KALRN: variants seen among roughly 807,000 people sequenced by gnomAD.
KALRN encodes the protein kalirin RhoGEF kinase.
A neutral mutation model predicts 353.7 loss-of-function variants in KALRN; 70 were observed. The ratio of observed to expected loss-of-function variants is 0.20; its 90% CI spans 0.16 to 0.24. The LOEUF (loss-of-function observed/expected upper bound fraction) is 0.24. Ranked by LOEUF, KALRN falls within the 10% of genes least tolerant of loss-of-function variation. The pLI, the probability that KALRN is intolerant of heterozygous loss-of-function variation, is 1.00. For synonymous variants in KALRN, 1,391 were observed against 1,434.8 expected (o/e 0.97, Z 0.69); for missense variants, 2,791 against 3,756.7 (o/e 0.74, Z 6.72).
chr3:124,123,911 C>T (rs541640206), intron 1 of KALRN, among the ~76,000 whole-genome samples: 1 of 152,320 alleles, frequency 6.6e-6, no homozygotes, highest in South Asian at 2.1e-4. Flanking sequence ...ATATTACTTG[C>T]TCATTGACAA....
At chr3:124,297,326 CT>C (rs1442406097) in intron 5 of KALRN, among the ~76,000 whole-genome samples, 1 of 152,218 alleles carries the variant, frequency 6.6e-6, no homozygotes, top group African/African-American at 2.4e-5. Flanking sequence ...GGGCTGTGGC[CT>C]TTAGTCCATC....
At chr3:124,351,104 G>A (rs2082789976) in intron 10 of KALRN, among the ~76,000 whole-genome samples, 1 of 152,102 alleles carries the variant, frequency 6.6e-6, no homozygotes, top group African/African-American at 2.4e-5. Flanking sequence ...CCATGTTTAG[G>A]TGGTGAAAAA....
intron 1 of KALRN, among the ~76,000 whole-genome samples, chr3:124,034,089 C>T (rs992740314): frequency 2.7e-4 from 41 of 152,092 alleles, no homozygotes; most frequent in African/African-American, 9.9e-4. Flanking sequence ...CCCCTCGGAC[C>T]GCCTTCTCCC....
chr3:124,687,906 G>A (rs1265608082), intron 51 of KALRN, among the ~76,000 whole-genome samples: 1 of 152,056 alleles, frequency 6.6e-6, no homozygotes, highest in African/African-American at 2.4e-5. Flanking sequence ...AAATGATAAC[G>A]AAAATACTTG....
At chr3:124,192,679 A>G (rs375412650) in intron 1 of KALRN, among the ~76,000 whole-genome samples, 1 of 152,184 alleles carries the variant, frequency 6.6e-6, no homozygotes, top group African/African-American at 2.4e-5. Context: ...AAATAAAAAT[A>G]AAAAAGGGGA....
intron 1 of KALRN, among the ~76,000 whole-genome samples, chr3:124,067,948 C>T (rs1344088957): frequency 6.6e-6 from 1 of 152,226 alleles, no homozygotes; most frequent in Non-Finnish European, 1.5e-5. Flanking sequence ...TGATGTACTG[C>T]ACATGTTTCC....
At chr3:124,495,965 G>GTATATATATATATATA (rs768441029) in intron 32 of KALRN, among the ~76,000 whole-genome samples, 23 of 41,434 alleles carry the variant, frequency 5.6e-4, no homozygotes, top group African/African-American at 8.2e-4. Flanking sequence ...GTGTATGTAT[G>GTATATATATATATATA]TATATATATA....
rs2080882683 is a variant in KALRN at position 124,334,132 on chromosome 3, A to G, written c.1417-133A>G. Reference sequence around the variant, plus strand: ...GGCCCCATGGCAGCTCTGGCTGGCTAGGTGTCTGGGTATGGAATGCCTGAG... The same window carrying G: ...GGCCCCATGGCAGCTCTGGCTGGCTGGGTGTCTGGGTATGGAATGCCTGAG... On this transcript the variant is annotated intron_variant, in intron 8 of 59. Coordinates refer to ENST00000682506, the MANE Select transcript of KALRN (RefSeq NM_001388419.1). This position sits in a 1 kb window ranked among gnomAD's most constrained non-coding sequence, Gnocchi z 4.2. 3 of 740,174 alleles carry G rather than the reference A, an allele frequency of 4.1e-6. No homozygotes were observed. Among genetic ancestry groups the G allele is most frequent in the African/African-American group, 1.7e-5 (1 of 57,668 alleles). 45.9% of individuals were successfully genotyped at this position (740,174 alleles called of 1,614,324 possible).
chr3:124,328,510 C>T (rs1368008454), intron 7 of KALRN, among the ~76,000 whole-genome samples: 2 of 152,114 alleles, frequency 1.3e-5, no homozygotes, highest in Non-Finnish European at 2.9e-5. Flanking sequence ...TCAAGTTGCT[C>T]CCAGGGTCAT....
rs749874997 is a variant in KALRN, at chr3:124,693,875, A to C, written c.7405+44A>C. 16 of 1,405,760 alleles carry C rather than the reference A, an allele frequency of 1.1e-5. 1 individual carries two copies. The South Asian group carries it at 2.0e-4, about 17-fold the overall frequency. 87.1% of individuals were successfully genotyped at this position (1,405,760 alleles called of 1,614,324 possible). A position where few individuals can be genotyped will look rare whatever the true frequency, so the allele number is the denominator to read the frequency against. On this transcript the variant is annotated intron_variant, in intron 52 of 59. Transcript: ENST00000682506. ...GAATTGGAAACATGGGGATTGGTTA[A>C]ATAAATTATAGTTAATCCAGCACTA...
chr3:124,699,623 G>C (rs2062222330), intron 55 of KALRN, among the ~76,000 whole-genome samples: 1 of 152,130 alleles, frequency 6.6e-6, no homozygotes, highest in African/African-American at 2.4e-5. Flanking sequence ...TCTGGCACTT[G>C]CACATTTGAA....
At chr3:124,446,034 G>C (rs543680665) in intron 19 of KALRN, 127 bp from the exon 20 acceptor site, 10 of 595,388 alleles carry the variant, frequency 1.7e-5, no homozygotes, top group African/African-American at 9.2e-5. Flanking sequence ...TCTGATGCTG[G>C]ATTAGTCTCA....
At chr3:124,198,717 A>G (rs138245354) in intron 1 of KALRN, among the ~76,000 whole-genome samples, 45 of 152,334 alleles carry the variant, frequency 3.0e-4, no homozygotes, top group African/African-American at 1.0e-3. Flanking sequence ...GTATGTATAC[A>G]TGCAATTTAC....
intron 34 of KALRN, among the ~76,000 whole-genome samples, chr3:124,601,755 T>G (rs1453800552): frequency 1.3e-5 from 2 of 152,118 alleles, no homozygotes; most frequent in Non-Finnish European, 2.9e-5. Context: ...TTCTGGCCAG[T>G]GTGGTGGCTC....
intron 34 of KALRN, among the ~76,000 whole-genome samples, chr3:124,596,257 G>A (rs1355792763): frequency 2.0e-5 from 3 of 151,896 alleles, no homozygotes; most frequent in African/African-American, 4.8e-5. Flanking sequence ...GCTGAGGCAG[G>A]TGGATCACCT....
At chr3:124,045,523 A>C (rs1020684472) in intron 1 of KALRN, among the ~76,000 whole-genome samples, 1 of 152,232 alleles carries the variant, frequency 6.6e-6, no homozygotes, top group Non-Finnish European at 1.5e-5. Context: ...TCATGATCCC[A>C]ACCACTGAGT....
At chr3:124,625,540 A>G (rs1161638677) in intron 34 of KALRN, among the ~76,000 whole-genome samples, 3 of 151,838 alleles carry the variant, frequency 2.0e-5, no homozygotes, top group Admixed American at 1.3e-4. Context: ...GGACAACATC[A>G]TGAGACCCCA....
In KALRN at chr3:124,415,399, C is replaced by T. The variant is rs534318561; in HGVS notation, c.2542+1734C>T. On this transcript the variant is annotated intron_variant, in intron 14 of 59. Coordinates refer to ENST00000682506, the MANE Select transcript of KALRN (RefSeq NM_001388419.1). ...TCTCTGGAATGACCTAGGACAGTGG[C>T]TTTCAAAATGTGATCCCCATGTCAG... Among the ~76,000 whole-genome samples the T allele has an allele frequency of 3.9e-5, 6 of 152,340 alleles. No homozygotes were observed. The East Asian group carries it at 9.6e-4, about 24-fold the overall frequency.
chr3:124,427,967 T>G (rs765069188), intron 15 of KALRN, among the ~76,000 whole-genome samples: 1 of 152,200 alleles, frequency 6.6e-6, no homozygotes, highest in Non-Finnish European at 1.5e-5. Flanking sequence ...GCAAGGAAAG[T>G]GTTCACATTT....
Sources: gnomAD v4.1 joint callset for allele counts (sites outside exome capture counted in the v4.1 genomes callset) on GRCh38, gnomAD v4.1.1 for gene constraint, Gnocchi (gnomAD v3.1) non-coding constraint, MANE v1.5 for transcripts, NCBI Gene and HGNC (gene_info 2026-07-23, HGNC 2026-07-21) for gene names.